The following NUDT3 variants were observed in gnomAD, a reference collection of about 807,000 sequenced individuals.
NUDT3 encodes the protein nudix hydrolase 3, also known as diphosphoinositol polyphosphate phosphohydrolase 1.
A neutral mutation model predicts 23.6 loss-of-function variants in NUDT3; 9 were observed. That is an observed-to-expected ratio of 0.38 (90% CI 0.23 to 0.66). The LOEUF (loss-of-function observed/expected upper bound fraction) is 0.66, where lower values mean the gene tolerates loss of function less well. Ranked by LOEUF, NUDT3 falls within the 30% of genes least tolerant of loss-of-function variation. NUDT3 has a pLI of 0.52. For synonymous variants in NUDT3, 86 were observed against 82.6 expected (o/e 1.04, Z -0.22); for missense variants, 172 against 218.5 (o/e 0.79, Z 1.34).
intron 1 of NUDT3, among the ~76,000 whole-genome samples, chr6:34,384,483 T>C (rs1765073057): frequency 6.6e-6 from 1 of 152,176 alleles, no homozygotes; most frequent in South Asian, 2.1e-4. Context: ...GTATGTTCTG[T>C]ATCATTTGGC....
chr6:34,303,788 C>G (rs1763634891), intron 2 of NUDT3, among the ~76,000 whole-genome samples: 4 of 152,178 alleles, frequency 2.6e-5, no homozygotes, highest in African/African-American at 9.7e-5. Flanking sequence ...CAGGCCAAAT[C>G]CATCCTGCCA....
chr6:34,354,749 A>ATATATATATATATATATATATATATT (rs570166534), intron 1 of NUDT3, among the ~76,000 whole-genome samples: 1 of 144,540 alleles, frequency 6.9e-6, no homozygotes, highest in African/African-American at 2.5e-5. Context: ...ATATATATAT[A>ATATATATATATATATATATATATATT]TATTTATTTA....
intron 2 of NUDT3, among the ~76,000 whole-genome samples, chr6:34,317,122 G>A (rs1310939458): frequency 6.6e-6 from 1 of 152,166 alleles, no homozygotes; most frequent in Non-Finnish European, 1.5e-5. Context: ...CTAGGTTTTG[G>A]GTTAAGTAAC....
chr6:34,296,070 T>C (rs1312237135), intron 2 of NUDT3, among the ~76,000 whole-genome samples: 1 of 152,174 alleles, frequency 6.6e-6, no homozygotes, highest in Non-Finnish European at 1.5e-5. Context: ...GAGTTCAAGA[T>C]CAGTTTGGTC....
rs1196773469 is a variant in NUDT3 at position 34,297,757 on chromosome 6, ATAATTT to A, written c.211-2078_211-2073del. Among the ~76,000 whole-genome samples, 17 of 68,036 alleles carry A rather than the reference ATAATTT, an allele frequency of 2.5e-4. 1 individual carries two copies. Among genetic ancestry groups the A allele is most frequent in the East Asian group, 1.2e-3 (3 of 2,606 alleles). 44.6% of individuals were successfully genotyped at this position (68,036 alleles called of 152,430 possible). ...TATATATATATATATATATATATAT[ATAATTT>A]TTTTTTTTTTTTTAGTAGAGACGGG... On this transcript the variant is annotated intron_variant, in intron 2 of 4. Transcript: ENST00000607016.
chr6:34,296,827 A>C (rs1009810107), intron 2 of NUDT3, among the ~76,000 whole-genome samples: 5 of 152,182 alleles, frequency 3.3e-5, no homozygotes, highest in Non-Finnish European at 5.9e-5. Context: ...TAGATGAACA[A>C]GAACATAAAC....
intron 1 of NUDT3, among the ~76,000 whole-genome samples, chr6:34,359,265 T>C (rs1368740342): frequency 6.6e-6 from 1 of 152,176 alleles, no homozygotes; most frequent in Middle Eastern, 3.4e-3. Context: ...CCCAGCTACT[T>C]GGGAGGCTGA....
intron 2 of NUDT3, among the ~76,000 whole-genome samples, chr6:34,314,395 A>C (rs879379336): frequency 3.3e-5 from 5 of 150,888 alleles, no homozygotes; most frequent in Non-Finnish European, 5.9e-5. Flanking sequence ...TCTACTAAAA[A>C]AAAAAAAAAA....
chr6:34,349,685 T>TG (rs1301464837), intron 1 of NUDT3, among the ~76,000 whole-genome samples: 1 of 150,572 alleles, frequency 6.6e-6, no homozygotes, highest in African/African-American at 2.5e-5. Context: ...ATCCACCCAC[T>TG]ATCCACCTTG....
At chr6:34,343,904 A>ATG (rs1303446891) in intron 1 of NUDT3, among the ~76,000 whole-genome samples, 7 of 152,282 alleles carry the variant, frequency 4.6e-5, no homozygotes, top group Non-Finnish European at 7.3e-5. Flanking sequence ...CAGAGAAGAC[A>ATG]TACAAATGGC....
At chr6:34,326,199 T>C (rs1217488737) in intron 2 of NUDT3, among the ~76,000 whole-genome samples, 2 of 151,954 alleles carry the variant, frequency 1.3e-5, no homozygotes, top group Non-Finnish European at 2.9e-5. Context: ...CTCCTGACTT[T>C]TTACATCTAG....
At chr6:34,319,641 T>C (rs1763910542) in intron 2 of NUDT3, among the ~76,000 whole-genome samples, 1 of 152,156 alleles carries the variant, frequency 6.6e-6, no homozygotes, top group Non-Finnish European at 1.5e-5. Flanking sequence ...GACAACCATG[T>C]TGAAATGTGA....
chr6:34,323,457 C>T (rs749172826), intron 2 of NUDT3, among the ~76,000 whole-genome samples: 2 of 152,030 alleles, frequency 1.3e-5, no homozygotes, highest in African/African-American at 2.4e-5. Flanking sequence ...GTCCCAGCTA[C>T]TCAGGAGGTT....
intron 3 of NUDT3, among the ~76,000 whole-genome samples, chr6:34,294,691 A>G (rs911971526): frequency 6.6e-6 from 1 of 151,030 alleles, no homozygotes; most frequent in Non-Finnish European, 1.5e-5. Flanking sequence ...GCACCATTGC[A>G]CTCCAGCCTG....
intron 1 of NUDT3, among the ~76,000 whole-genome samples, chr6:34,383,621 C>G (rs371643108): frequency 2.6e-5 from 4 of 152,256 alleles, no homozygotes; most frequent in South Asian, 4.2e-4. Flanking sequence ...GAACAAGGGC[C>G]CTTCCTTTCT....
chr6:34,290,857 T>G (rs143145986), intron 4 of NUDT3, among the ~76,000 whole-genome samples: 57 of 151,366 alleles, frequency 3.8e-4, no homozygotes, highest in African/African-American at 1.4e-3. Flanking sequence ...TACAGCGATG[T>G]GATCCCGGCT....
chr6:34,284,716 G>A lies in NUDT3; in HGVS notation c.*4037C>T, dbSNP rs1265. On this transcript the variant is annotated 3_prime_UTR_variant, in exon 5 of 5. Transcript: ENST00000607016. Reference sequence around the variant, plus strand: ...GAGCCTCCAATGAGCACTGTATGTAGAGAAAAGGGAAGGAGCAGGAGGAGG... The same window carrying A: ...GAGCCTCCAATGAGCACTGTATGTAAAGAAAAGGGAAGGAGCAGGAGGAGG... 6 of 152,156 alleles carry A rather than the reference G, an allele frequency of 3.9e-5. No individual in the cohort carries two copies. The East Asian group carries it at 5.8e-4, about 15-fold the overall frequency. The allele number at this position is 152,156 out of a possible 1,614,324, so 9.4% of individuals were successfully genotyped here.
In NUDT3 at chr6:34,283,159, T is replaced by G. The variant is rs889019670; in HGVS notation, c.*5594A>C. 2 of 151,572 alleles carry G rather than the reference T, an allele frequency of 1.3e-5. 1 individual carries two copies. Among genetic ancestry groups the G allele is most frequent in the Admixed American group, 1.3e-4 (2 of 15,188 alleles). The allele number at this position is 151,572 out of a possible 1,614,324, so 9.4% of individuals were successfully genotyped here. A position where few individuals can be genotyped will look rare whatever the true frequency, so the allele number is the denominator to read the frequency against. On this transcript the variant is annotated 3_prime_UTR_variant, in exon 5 of 5. Coordinates refer to ENST00000607016, the MANE Select transcript of NUDT3 (RefSeq NM_006703.4). Reference sequence around the variant, plus strand: ...ATGTGACTGCTAGCCTCAGCTCAAGTAGTGTGCCCAAATCATCACAAAATG... The same window carrying G: ...ATGTGACTGCTAGCCTCAGCTCAAGGAGTGTGCCCAAATCATCACAAAATG...
At chr6:34,364,695 A>C (rs1324179743) in intron 1 of NUDT3, among the ~76,000 whole-genome samples, 1 of 152,240 alleles carries the variant, frequency 6.6e-6, no homozygotes. Context: ...TAACACACCA[A>C]TAGCATCCAG....
Sources: gnomAD v4.1 joint callset for allele counts (sites outside exome capture counted in the v4.1 genomes callset) on GRCh38, gnomAD v4.1.1 for gene constraint, MANE v1.5 for transcripts, NCBI Gene and HGNC (gene_info 2026-07-23, HGNC 2026-07-21) for gene names.